Variants in CPLX2 observed in about 807,000 individuals in gnomAD.
CPLX2 encodes complexin-2.
Under a neutral mutation model 16.3 loss-of-function variants are expected in CPLX2, and 5 were observed. The observed-to-expected ratio is 0.31, with a 90% CI of 0.16 to 0.64. CPLX2 has a LOEUF of 0.64. Among genes scored for constraint, CPLX2 ranks in the 30% least tolerant of loss-of-function variants. The pLI is 0.79. For missense variants in CPLX2, 144 were observed against 181.4 expected (o/e 0.79, Z 1.18); for synonymous variants, 89 against 73.2 (o/e 1.22, Z -1.10).
intron 2 of CPLX2, among the ~76,000 whole-genome samples, chr5:175,810,491 G>T (rs1029971453): frequency 1.3e-5 from 2 of 152,222 alleles, no homozygotes; most frequent in African/African-American, 4.8e-5. Flanking sequence ...TGCAGGACAA[G>T]AGCTGACTCC....
chr5:175,860,118 AG>A (rs1023191698), intron 2 of CPLX2, among the ~76,000 whole-genome samples: 1 of 152,196 alleles, frequency 6.6e-6, no homozygotes, highest in African/African-American at 2.4e-5. Context: ...ACCCTCGGGC[AG>A]GCCCTCCCCA....
intron 1 of CPLX2, among the ~76,000 whole-genome samples, chr5:175,873,484 G>C (rs1759684792): frequency 6.6e-6 from 1 of 152,138 alleles, no homozygotes; most frequent in Non-Finnish European, 1.5e-5. Context: ...CCTGAGAGGA[G>C]CTCAGAGTAA....
intron 2 of CPLX2, among the ~76,000 whole-genome samples, chr5:175,853,977 A>G (rs1759204653): frequency 1.3e-5 from 2 of 152,126 alleles, no homozygotes; most frequent in Admixed American, 1.3e-4. Context: ...GGCACTGGCT[A>G]GCAATTCCCA....
At chr5:175,841,487 G>A (rs1028772778) in intron 2 of CPLX2, among the ~76,000 whole-genome samples, 1 of 152,166 alleles carries the variant, frequency 6.6e-6, no homozygotes, top group African/African-American at 2.4e-5. Flanking sequence ...ACCAGAGCAG[G>A]GAACGTGGGG....
At chr5:175,852,233 C>T (rs971381481) in intron 2 of CPLX2, among the ~76,000 whole-genome samples, 6 of 152,174 alleles carry the variant, frequency 3.9e-5, no homozygotes, top group African/African-American at 1.2e-4. Context: ...CACAGGAATA[C>T]GAAACTTTAC....
chr5:175,816,710 A>G (rs1472745327), intron 2 of CPLX2, among the ~76,000 whole-genome samples: 1 of 152,246 alleles, frequency 6.6e-6, no homozygotes, highest in African/African-American at 2.4e-5. Flanking sequence ...CTCGAGACAC[A>G]GAAACTTGCC....
chr5:175,851,214 G>C (rs1421387666), intron 2 of CPLX2, among the ~76,000 whole-genome samples: 1 of 152,084 alleles, frequency 6.6e-6, no homozygotes, highest in African/African-American at 2.4e-5. Context: ...GGCCCCCTTT[G>C]GTTTGAGCTG....
At chr5:175,865,017 A>C (rs538342460) in intron 2 of CPLX2, among the ~76,000 whole-genome samples, 2 of 152,068 alleles carry the variant, frequency 1.3e-5, no homozygotes, top group Admixed American at 6.5e-5. Context: ...GATTTCTTTA[A>C]TGCATGCCTC....
intron 2 of CPLX2, among the ~76,000 whole-genome samples, chr5:175,823,975 G>T (rs1016628185): frequency 6.6e-6 from 1 of 152,104 alleles, no homozygotes; most frequent in Non-Finnish European, 1.5e-5. Flanking sequence ...GTCCTCCTCC[G>T]CACAGGCCTG....
intron 2 of CPLX2, among the ~76,000 whole-genome samples, chr5:175,833,893 G>A (rs1758776690): frequency 6.6e-6 from 1 of 151,922 alleles, no homozygotes; most frequent in Non-Finnish European, 1.5e-5. Flanking sequence ...CTTTCCTGGT[G>A]AGCTGGGGAC....
chr5:175,806,050 G>C (rs1029422975), intron 1 of CPLX2, among the ~76,000 whole-genome samples: 2 of 152,126 alleles, frequency 1.3e-5, no homozygotes, highest in South Asian at 2.1e-4. Flanking sequence ...CCACCTTCAT[G>C]CTCCCTTTCT....
chr5:175,813,030 T>C (rs1758341442), intron 2 of CPLX2, among the ~76,000 whole-genome samples: 1 of 152,136 alleles, frequency 6.6e-6, no homozygotes, highest in Non-Finnish European at 1.5e-5. Context: ...CTCCACATTC[T>C]CAGCCACGAG....
At chr5:175,864,847 C>T (rs1759436844) in intron 2 of CPLX2, among the ~76,000 whole-genome samples, 1 of 152,076 alleles carries the variant, frequency 6.6e-6, no homozygotes, top group African/African-American at 2.4e-5. Flanking sequence ...GAGCTGGGCG[C>T]TGAGTTATAC....
chr5:175,860,077 G>A (rs1023392554), intron 2 of CPLX2, among the ~76,000 whole-genome samples: 5 of 152,180 alleles, frequency 3.3e-5, no homozygotes, highest in Admixed American at 1.3e-4. Flanking sequence ...CCTGCCCTTC[G>A]CTCAGCTGTG....
intron 2 of CPLX2, among the ~76,000 whole-genome samples, chr5:175,850,313 A>C (rs1289266815): frequency 6.6e-6 from 1 of 152,192 alleles, no homozygotes; most frequent in African/African-American, 2.4e-5. Flanking sequence ...CTTGAAGAAA[A>C]GGAAGGGCTG....
chr5:175,802,543 A>T (rs1273845058), intron 1 of CPLX2, among the ~76,000 whole-genome samples: 3 of 152,206 alleles, frequency 2.0e-5, no homozygotes, highest in African/African-American at 4.8e-5. Flanking sequence ...GACAGCCAGG[A>T]GGGCAAGCAG....
At chr5:175,867,878 A>G (rs1759508174), upstream of CPLX2, among the ~76,000 whole-genome samples, 1 of 152,218 alleles carries the variant, frequency 6.6e-6, no homozygotes, top group Non-Finnish European at 1.5e-5. Flanking sequence ...AAGGAGGTAC[A>G]CTGGGACCCT....
At chr5:175,810,186 C>T (rs1478769822) in intron 2 of CPLX2, among the ~76,000 whole-genome samples, 1 of 152,214 alleles carries the variant, frequency 6.6e-6, no homozygotes, top group Admixed American at 6.5e-5. Context: ...TACTGTAAGT[C>T]ATTCTCCTCC....
At position 175,830,537 on chromosome 5, in the gene CPLX2, C is replaced by G. The variant is rs1260285725; in HGVS notation, c.-89+21469C>G. 6.6e-6 allele frequency among the ~76,000 whole-genome samples: 1 copy of G among 152,150 alleles called. No homozygotes were observed. Among genetic ancestry groups the G allele is most frequent in the Non-Finnish European group, 1.5e-5 (1 of 68,032 alleles). The stretch of plus-strand genomic sequence containing the variant: ...ACCCCACCCCCAGCTGTCCAGCCAC[C>G]CTTAGCCTCTTCCTCTTTGCCACAG... On this transcript the variant is annotated intron_variant, in intron 2 of 4. Transcript: ENST00000359546. The surrounding 1 kb of genome is among the most constrained non-coding windows in gnomAD (Gnocchi z 4.0).
Sources: gnomAD v4.1 joint callset for allele counts (sites outside exome capture counted in the v4.1 genomes callset) on GRCh38, gnomAD v4.1.1 for gene constraint, Gnocchi (gnomAD v3.1) non-coding constraint, MANE v1.5 for transcripts, NCBI Gene and HGNC (gene_info 2026-07-23, HGNC 2026-07-21) for gene names.